The following NRK variants were observed in gnomAD, a reference collection of about 807,000 sequenced individuals.
The protein encoded by NRK is Nik related kinase.
A neutral mutation model predicts 125.2 loss-of-function variants in NRK; 67 were observed. The ratio of observed to expected loss-of-function variants is 0.54; its 90% CI spans 0.44 to 0.66. The LOEUF (loss-of-function observed/expected upper bound fraction) is 0.66, where lower values mean the gene tolerates loss of function less well. NRK is among the 30% of genes least tolerant of loss of function. The pLI is 0.00. For missense variants in NRK, 1,224 were observed against 1,192.9 expected, an observed-to-expected ratio of 1.03 and a Z score of -0.38; for synonymous variants, 458 against 429.0, an observed-to-expected ratio of 1.07 and a Z score of -0.84.
Position 105,946,050 on chromosome X carries a change from G to A in NRK, c.4203+35G>A, listed in dbSNP as rs773929970. 7 of 1,168,733 alleles carry A rather than the reference G, an allele frequency of 6.0e-6. No homozygotes were observed. The East Asian group carries it at 2.1e-4, about 35-fold the overall frequency. On this transcript the variant is annotated intron_variant, in intron 25 of 28. Transcript: ENST00000243300. ...TTGAAGACAGCAAACAGAATGCAGG[G>A]TCATACAAGGCTCTTATGATCATTG...
chrX:105,924,984 C>A lies in NRK; in HGVS notation c.3265C>A (p.Pro1089Thr). ...GEENCSETDG[P>T]GLKRPASQDF... ...AGAAAATTGCTCAGAGACAGATGGT[C>A]CAGGATTGAAGAGACCTGCGTCTCA... Residue 1089 changes from proline (P) to threonine (T), a missense_variant, in exon 19 of 29, where the codon CCA becomes ACA. By Grantham distance (38) the Pro-to-Thr change is conservative (BLOSUM62 -1). Transcript: ENST00000243300. The A allele has an allele frequency of 8.3e-7, 1 of 1,210,550 alleles. No individual in the cohort carries two copies. Among genetic ancestry groups the A allele is most frequent in the Non-Finnish European group, 1.1e-6 (1 of 894,555 alleles).
At chrX:105,847,403 C>T (rs193098961) in intron 2 of NRK, among the ~76,000 whole-genome samples, 3 of 112,372 alleles carry the variant, frequency 2.7e-5, no homozygotes, top group East Asian at 5.6e-4. Context: ...TCATGAAGTG[C>T]CTGTTCTGAA....
At chrX:105,947,956 A>G (rs2040839149) in intron 26 of NRK, among the ~76,000 whole-genome samples, 1 of 112,277 alleles carries the variant, frequency 8.9e-6, no homozygotes, top group South Asian at 3.7e-4. Context: ...ACTGTTGATA[A>G]TGTATAAAAT....
chrX:105,909,350 A>G lies in NRK; in HGVS notation c.1709A>G (p.Gln570Arg), dbSNP rs1355569679. Reference protein sequence around the residue: ...EVQEQAAEPAQAETEAEEPES... With the variant: ...EVQEQAAEPARAETEAEEPES... ...CAGGAACAGGCTGCCGAGCCTGCAC[A>G]GGCAGAGACTGAGGCAGAGGAACCT... is the stretch of plus-strand genomic sequence containing the variant. Residue 570 changes from glutamine to arginine, a missense_variant, in exon 13 of 29, where the codon CAG becomes CGG. Physicochemically the swap from Gln to Arg is conservative, Grantham distance 43. Transcript: ENST00000243300. 1 of 1,206,295 alleles carries G rather than the reference A, an allele frequency of 8.3e-7. No homozygotes were observed. Among genetic ancestry groups the G allele is most frequent in the Admixed American group, 2.2e-5 (1 of 45,707 alleles).
At chrX:105,870,845 C>A (rs1321473131) in intron 2 of NRK, among the ~76,000 whole-genome samples, 1 of 111,686 alleles carries the variant, frequency 9.0e-6, no homozygotes, top group African/African-American at 3.3e-5. Context: ...CCATGACTGT[C>A]CCAGATTTCT....
At chrX:105,924,492 A>C (rs1406529953) in intron 18 of NRK, among the ~76,000 whole-genome samples, 1 of 111,792 alleles carries the variant, frequency 8.9e-6, no homozygotes, top group African/African-American at 3.2e-5. Flanking sequence ...GGTGGTGGCT[A>C]TGGCTTTAAT....
At chrX:105,873,770 T>C (rs970305605) in intron 2 of NRK, among the ~76,000 whole-genome samples, 3 of 111,639 alleles carry the variant, frequency 2.7e-5, no homozygotes, top group African/African-American at 9.8e-5. Flanking sequence ...TCTGTTCAAA[T>C]GCTATGCCAT....
At chrX:105,876,700 A>G (rs150225999) in intron 2 of NRK, among the ~76,000 whole-genome samples, 91 of 112,082 alleles carry the variant, frequency 8.1e-4, no homozygotes, top group African/African-American at 2.9e-3. Context: ...TGTGTGTTTA[A>G]CACAAATGTT....
Position 105,895,191 on chromosome X carries a change from G to T in NRK, c.490-242G>T, listed in dbSNP as rs1305087256. The T allele has an allele frequency of 1.4e-5, 7 of 504,668 alleles. No individual in the cohort carries two copies. The Admixed American group carries it at 2.0e-4, about 14-fold the overall frequency. 41.6% of individuals were successfully genotyped at this position (504,668 alleles called of 1,213,427 possible). On this transcript the variant is annotated intron_variant, in intron 6 of 28. Transcript: ENST00000243300. ...AATGTATACAAACATTACTTTTGGTGCTCTTTTTTTTCGTGGGTGTCCTGA... is the reference window on the plus strand; with the variant it reads ...AATGTATACAAACATTACTTTTGGTTCTCTTTTTTTTCGTGGGTGTCCTGA...
At chrX:105,915,310 T>A (rs1280314297) in intron 14 of NRK, among the ~76,000 whole-genome samples, 1 of 110,899 alleles carries the variant, frequency 9.0e-6, no homozygotes, top group African/African-American at 3.3e-5. Context: ...AGAACTTAAA[T>A]TCTGAGTAAG....
chrX:105,825,218 A>T (rs2039077384), intron 1 of NRK, among the ~76,000 whole-genome samples: 1 of 112,478 alleles, frequency 8.9e-6, no homozygotes, highest in Non-Finnish European at 1.9e-5. Context: ...GAGACATCTT[A>T]ATCACTTGTG....
chrX:105,898,215 G>T (rs1167988679), intron 7 of NRK, among the ~76,000 whole-genome samples: 3 of 111,990 alleles, frequency 2.7e-5, no homozygotes, highest in African/African-American at 9.7e-5. Flanking sequence ...ATAAGTTTTA[G>T]ATTTCTTTGT....
At chrX:105,934,993 A>T (rs962585907) in intron 20 of NRK, among the ~76,000 whole-genome samples, 177 bp from the exon 21 acceptor site, 32 of 111,384 alleles carry the variant, frequency 2.9e-4, no homozygotes, top group African/African-American at 8.8e-4. Flanking sequence ...AAATTTGGCT[A>T]AGTCGTGTCT....
intron 2 of NRK, among the ~76,000 whole-genome samples, chrX:105,866,279 G>C (rs965339657): frequency 1.8e-5 from 2 of 110,124 alleles, no homozygotes; most frequent in Non-Finnish European, 3.8e-5. Flanking sequence ...ACAGACTGGA[G>C]GACTTTAACA....
chrX:105,909,206 G>A lies in NRK; in HGVS notation c.1565G>A (p.Gly522Asp). The change falls in exon 13 of 29, where the codon GGT becomes GAT. Residue 522 changes from glycine to aspartate, a missense_variant. Gly to Asp is a moderately conservative substitution (Grantham distance 94, BLOSUM62 -1). Coordinates refer to ENST00000243300, the MANE Select transcript of NRK (RefSeq NM_198465.4). ...GACCAGGTACCAGAGGAATTTCAGG[G>A]TCAAGATCAGGTACCCGAACAACAA... ...DLDQVPEEFQ[G>D]QDQVPEQQRQ... 8.3e-7 allele frequency: 1 copy of A among 1,210,032 alleles called. No individual in the cohort carries two copies. The highest frequency in any genetic ancestry group is 1.8e-5 in the South Asian group (1 of 56,868).
chrX:105,905,091 C>G (rs963368108), intron 9 of NRK, among the ~76,000 whole-genome samples, 174 bp from the exon 10 acceptor site: 2 of 112,266 alleles, frequency 1.8e-5, no homozygotes, highest in Non-Finnish European at 3.8e-5. Flanking sequence ...TGCAACATTG[C>G]ATTAAAACGA....
chrX:105,877,528 A>T (rs1400403735), intron 2 of NRK, among the ~76,000 whole-genome samples: 1 of 111,486 alleles, frequency 9.0e-6, no homozygotes, highest in Non-Finnish European at 1.9e-5. Context: ...GCTATCTTTG[A>T]AACTGCTCTA....
chrX:105,838,862 G>A, intron 2 of NRK, among the ~76,000 whole-genome samples: 1 of 110,428 alleles, frequency 9.1e-6, no homozygotes, highest in Non-Finnish European at 1.9e-5. Flanking sequence ...TGAATTGTTT[G>A]CACTCTGAAA....
intron 2 of NRK, among the ~76,000 whole-genome samples, chrX:105,868,027 T>C (rs149526863): frequency 0.018 from 2,040 of 111,501 alleles, 48 homozygotes; most frequent in African/African-American, 0.063. Context: ...TGTGTAACTT[T>C]ATTATCTATA....
Sources: allele counts gnomAD v4.1 joint callset (sites outside exome capture counted in the v4.1 genomes callset), GRCh38; gene constraint gnomAD v4.1.1; transcripts MANE v1.5; gene names NCBI Gene and HGNC (gene_info 2026-07-23, HGNC 2026-07-21).